SNTB2: variants seen among roughly 807,000 people sequenced by gnomAD.
SNTB2 encodes beta-2-syntrophin.
Under a neutral mutation model 46.2 loss-of-function variants are expected in SNTB2, and 34 were observed. The observed-to-expected ratio is 0.74, with a 90% CI of 0.56 to 0.98. The LOEUF (loss-of-function observed/expected upper bound fraction) is 0.98, where lower values mean the gene tolerates loss of function less well. SNTB2 is among the 50% of genes least tolerant of loss of function. SNTB2 has a pLI of 0.00. For missense variants in SNTB2, 603 were observed against 731.4 expected, an observed-to-expected ratio of 0.82 and a Z score of 2.02; for synonymous variants, 290 against 312.6, an observed-to-expected ratio of 0.93 and a Z score of 0.76.
chr16:69,239,125 A>G (rs1964586063), intron 1 of SNTB2, among the ~76,000 whole-genome samples: 1 of 152,022 alleles, frequency 6.6e-6, no homozygotes, highest in African/African-American at 2.4e-5. Context: ...CCCTGGCTGG[A>G]ATGTTTCTCC....
intron 1 of SNTB2, among the ~76,000 whole-genome samples, chr16:69,199,510 A>C (rs892516438): frequency 6.7e-6 from 1 of 150,078 alleles, no homozygotes; most frequent in Non-Finnish European, 1.5e-5. Flanking sequence ...TGGGAGGATC[A>C]CTTGAGCCTG....
chr16:69,214,031 G>C (rs924794153), intron 1 of SNTB2, among the ~76,000 whole-genome samples: 2 of 150,474 alleles, frequency 1.3e-5, no homozygotes, highest in African/African-American at 4.9e-5. Context: ...CACCATCTTG[G>C]CCAGGCTGGT....
intron 1 of SNTB2, among the ~76,000 whole-genome samples, chr16:69,189,000 G>A (rs1428407132): frequency 6.6e-6 from 1 of 152,158 alleles, no homozygotes; most frequent in Non-Finnish European, 1.5e-5. Flanking sequence ...AGGACAGAAG[G>A]GAAGGGCTGG....
chr16:69,276,552 G>A (rs1326041817), intron 4 of SNTB2, among the ~76,000 whole-genome samples: 3 of 152,144 alleles, frequency 2.0e-5, no homozygotes, highest in African/African-American at 7.2e-5. Flanking sequence ...ATCCTCTGTG[G>A]AGTAATTTTG....
At chr16:69,217,786 C>T (rs1964362697) in intron 1 of SNTB2, among the ~76,000 whole-genome samples, 1 of 152,120 alleles carries the variant, frequency 6.6e-6, no homozygotes, top group South Asian at 2.1e-4. Context: ...CTTTAGGCCT[C>T]AGATTTCTTA....
intron 3 of SNTB2, among the ~76,000 whole-genome samples, chr16:69,262,278 G>A (rs1964841122): frequency 6.6e-6 from 1 of 151,724 alleles, no homozygotes; most frequent in African/African-American, 2.4e-5. Flanking sequence ...GATAGTGAGA[G>A]TTCAGAGGGT....
At chr16:69,238,086 G>A (rs904231150) in intron 1 of SNTB2, among the ~76,000 whole-genome samples, 2 of 152,094 alleles carry the variant, frequency 1.3e-5, no homozygotes, top group Admixed American at 6.6e-5. Context: ...TGTCCCGGAC[G>A]CTGACCTGCG....
intron 1 of SNTB2, among the ~76,000 whole-genome samples, chr16:69,188,696 A>G (rs1324241255): frequency 2.0e-5 from 3 of 152,182 alleles, no homozygotes; most frequent in Admixed American, 2.0e-4. Flanking sequence ...ACTGGTGATT[A>G]TGGCTAGCTG....
intron 3 of SNTB2, among the ~76,000 whole-genome samples, chr16:69,264,629 G>C (rs145570942): frequency 1.0e-3 from 153 of 152,232 alleles, no homozygotes; most frequent in Non-Finnish European, 1.9e-3. Context: ...TTATGTTTGT[G>C]GGAAAAGTGG....
chr16:69,242,059 G>C (rs1184977687), intron 1 of SNTB2: 3 of 152,044 alleles, frequency 2.0e-5, no homozygotes, highest in Admixed American at 1.3e-4. Context: ...GAATCAGTTG[G>C]ATTTTGGATC....
At chr16:69,232,502 CTT>C (rs1032986410) in intron 1 of SNTB2, among the ~76,000 whole-genome samples, 96 of 63,852 alleles carry the variant, frequency 1.5e-3, no homozygotes, top group East Asian at 4.8e-3. Flanking sequence ...ACGGTGCGGC[CTT>C]TTTTTTTTTT....
chr16:69,273,491 G>A (rs182356092), intron 4 of SNTB2, among the ~76,000 whole-genome samples: 170 of 152,292 alleles, frequency 1.1e-3, no homozygotes, highest in Non-Finnish European at 3.2e-4. Context: ...ACCACATACT[G>A]TATTTTTCCA....
intron 1 of SNTB2, among the ~76,000 whole-genome samples, chr16:69,242,660 C>G (rs748420506): frequency 3.3e-5 from 5 of 152,084 alleles, no homozygotes; most frequent in African/African-American, 9.7e-5. Context: ...TTTTGTCACT[C>G]TAAAGAAGAG....
chr16:69,297,157 A>G (rs369398398), intron 5 of SNTB2, among the ~76,000 whole-genome samples: 12 of 151,444 alleles, frequency 7.9e-5, no homozygotes, highest in African/African-American at 2.9e-4. Flanking sequence ...AATACAAAAA[A>G]TTAGCTGGGT....
Position 69,270,136 on chromosome 16 carries a change from G to C in SNTB2, c.1006-7G>C, listed in dbSNP as rs1260895299. ...GCCCTGATTTCTGAATTTTTCCATT[G>C]TAACAGGCAAAACTAGATGGTGGAA... On this transcript the variant is annotated splice_polypyrimidine_tract_variant and splice_region_variant and intron_variant, in intron 3 of 6. Coordinates refer to ENST00000336278, the MANE Select transcript of SNTB2 (RefSeq NM_006750.4). 3 of 1,613,548 alleles carry C rather than the reference G, an allele frequency of 1.9e-6. No homozygotes were observed. In the African/African-American group the frequency reaches 4.0e-5, roughly 22 times the overall value.
intron 1 of SNTB2, among the ~76,000 whole-genome samples, chr16:69,200,384 A>T (rs1339350312): frequency 6.6e-6 from 1 of 152,244 alleles, no homozygotes; most frequent in Non-Finnish European, 1.5e-5. Context: ...CTACTCCTCC[A>T]GACTGTACCA....
At chr16:69,294,766 C>G (rs983486028) in intron 5 of SNTB2, among the ~76,000 whole-genome samples, 3 of 151,856 alleles carry the variant, frequency 2.0e-5, no homozygotes, top group Non-Finnish European at 4.4e-5. Flanking sequence ...TACCGCAGAG[C>G]CCTGTGTTTA....
At chr16:69,214,282 C>T (rs1421285650) in intron 1 of SNTB2, among the ~76,000 whole-genome samples, 3 of 151,208 alleles carry the variant, frequency 2.0e-5, no homozygotes, top group African/African-American at 4.9e-5. Context: ...AAGTGTGCAC[C>T]ACCACGCCTG....
chr16:69,232,147 G>C (rs1314666518), intron 1 of SNTB2, among the ~76,000 whole-genome samples: 1 of 151,454 alleles, frequency 6.6e-6, no homozygotes, highest in Non-Finnish European at 1.5e-5. Context: ...AAAAAATACT[G>C]GGGCTTTTTT....
Sources: gnomAD v4.1 joint callset for allele counts (sites outside exome capture counted in the v4.1 genomes callset) on GRCh38, gnomAD v4.1.1 for gene constraint, MANE v1.5 for transcripts, NCBI Gene and HGNC (gene_info 2026-07-23, HGNC 2026-07-21) for gene names.